The following TAFA1 variants were observed in gnomAD, a reference collection of about 807,000 sequenced individuals.
TAFA1 encodes the protein TAFA chemokine like family member 1.
TAFA1 carries 4 observed loss-of-function variants against 18.5 expected under a neutral mutation model. The ratio of observed to expected loss-of-function variants is 0.22; its 90% CI spans 0.11 to 0.49. TAFA1 has a LOEUF of 0.49. Ranked by LOEUF, TAFA1 falls within the 20% of genes least tolerant of loss-of-function variation. The probability of loss-of-function intolerance (pLI) is 0.98; values close to 1 mark genes in which losing one functional copy is unlikely to be tolerated. For missense variants in TAFA1, 147 were observed against 169.0 expected, an observed-to-expected ratio of 0.87 and a Z score of 0.72; for synonymous variants, 56 against 55.2, an observed-to-expected ratio of 1.01 and a Z score of -0.06.
chr3:68,007,870 C>T (rs1704391952), intron 2 of TAFA1, among the ~76,000 whole-genome samples: 1 of 152,240 alleles, frequency 6.6e-6, no homozygotes, highest in Non-Finnish European at 1.5e-5. Flanking sequence ...CCAGCAATAC[C>T]TTCCGGGGCC....
intron 2 of TAFA1, among the ~76,000 whole-genome samples, chr3:68,123,686 G>T (rs1185920724): frequency 6.6e-6 from 1 of 151,928 alleles, no homozygotes; most frequent in East Asian, 1.9e-4. Flanking sequence ...GTAACCAACT[G>T]GTTTAACATT....
chr3:68,131,976 C>T (rs1200421244), intron 2 of TAFA1, among the ~76,000 whole-genome samples: 2 of 151,952 alleles, frequency 1.3e-5, no homozygotes, highest in Non-Finnish European at 2.9e-5. Flanking sequence ...GTTTGCTGCA[C>T]TCATCAACCC....
chr3:68,435,359 A>T (rs1481521854), intron 3 of TAFA1, among the ~76,000 whole-genome samples: 1 of 152,132 alleles, frequency 6.6e-6, no homozygotes, highest in African/African-American at 2.4e-5. Context: ...GAATGAGCTC[A>T]TGCAGCAGCC....
intron 3 of TAFA1, among the ~76,000 whole-genome samples, chr3:68,463,258 A>T (rs1445759160): frequency 6.6e-6 from 1 of 152,166 alleles, no homozygotes; most frequent in Non-Finnish European, 1.5e-5. Context: ...TCTCCTCTTA[A>T]TCTCTATGGA....
intron 2 of TAFA1, among the ~76,000 whole-genome samples, chr3:68,065,740 G>GTGTA (rs1442387918): frequency 4.5e-5 from 6 of 133,452 alleles, no homozygotes; most frequent in Non-Finnish European, 7.9e-5. Flanking sequence ...GTGTGTGTGT[G>GTGTA]TATATATATA....
intron 2 of TAFA1, among the ~76,000 whole-genome samples, chr3:68,408,539 C>T (rs1345418348): frequency 6.6e-6 from 1 of 152,150 alleles, no homozygotes; most frequent in Non-Finnish European, 1.5e-5. Flanking sequence ...TTAATTTATA[C>T]ATTCTGTCTT....
chr3:68,310,874 T>C (rs1046175636), intron 2 of TAFA1, among the ~76,000 whole-genome samples: 1 of 152,188 alleles, frequency 6.6e-6, no homozygotes, highest in Non-Finnish European at 1.5e-5. Context: ...TTTAGTGCTG[T>C]CAAGTGTTTA....
the TAFA1 span, among the ~76,000 whole-genome samples, chr3:67,998,172 T>C: frequency 3.3e-5 from 5 of 152,202 alleles, no homozygotes; most frequent in Non-Finnish European, 7.4e-5. Context: ...ACTGGTAACA[T>C]TTGTGTGATA....
intron 2 of TAFA1, among the ~76,000 whole-genome samples, chr3:68,050,149 C>CT (rs2064449377): frequency 6.6e-6 from 1 of 152,092 alleles, no homozygotes; most frequent in African/African-American, 2.4e-5. Context: ...TAAATAGTTC[C>CT]TTTGGAAGGT....
intron 3 of TAFA1, among the ~76,000 whole-genome samples, chr3:68,458,749 C>T (rs2071713876): frequency 6.6e-6 from 1 of 151,884 alleles, no homozygotes; most frequent in African/African-American, 2.4e-5. Flanking sequence ...AACAATCTTT[C>T]ATGCTTGGAG....
chr3:68,052,119 T>A (rs1469632757), intron 2 of TAFA1, among the ~76,000 whole-genome samples: 1 of 152,168 alleles, frequency 6.6e-6, no homozygotes, highest in Non-Finnish European at 1.5e-5. Flanking sequence ...ATTTTTGAAA[T>A]GGAATATCCC....
At chr3:68,475,132 G>A (rs569309454) in intron 3 of TAFA1, among the ~76,000 whole-genome samples, 6 of 151,020 alleles carry the variant, frequency 4.0e-5, no homozygotes, top group African/African-American at 1.2e-4. Flanking sequence ...TTTAAATGCT[G>A]GCTTCTATTT....
chr3:68,393,754 G>T (rs2070313473), intron 2 of TAFA1, among the ~76,000 whole-genome samples: 1 of 151,988 alleles, frequency 6.6e-6, no homozygotes, highest in South Asian at 2.1e-4. Flanking sequence ...CAGAATCAAT[G>T]ACAAAAATTA....
At chr3:67,999,542 C>A (rs1704261671), upstream of TAFA1, among the ~76,000 whole-genome samples, 1 of 152,100 alleles carries the variant, frequency 6.6e-6, no homozygotes, top group South Asian at 2.1e-4. Flanking sequence ...TGACTTTTAA[C>A]ATCTGTAGAC....
At chr3:68,045,996 A>T (rs7430276) in intron 2 of TAFA1, among the ~76,000 whole-genome samples, 89,550 of 151,930 alleles carry the variant, frequency 0.59, 26,760 homozygotes, top group East Asian at 0.67. Context: ...CATGTTTTAA[A>T]TAATTTGCCC....
chr3:68,499,577 T>G (rs535664599), intron 3 of TAFA1, among the ~76,000 whole-genome samples: 11 of 152,020 alleles, frequency 7.2e-5, no homozygotes, highest in African/African-American at 2.4e-4. Context: ...TTTTATGTAT[T>G]TATTTATCTT....
At chr3:68,520,509 C>T (rs528546228) in intron 3 of TAFA1, among the ~76,000 whole-genome samples, 1 of 152,276 alleles carries the variant, frequency 6.6e-6, no homozygotes, top group Admixed American at 6.5e-5. Context: ...ATGTCAGAAA[C>T]ATCCAAATGA....
At chr3:68,386,393 T>G (rs1434167916) in intron 2 of TAFA1, among the ~76,000 whole-genome samples, 1 of 150,918 alleles carries the variant, frequency 6.6e-6, no homozygotes, top group African/African-American at 2.4e-5. Context: ...TGGTTACGAG[T>G]TTTTTTTTGT....
intron 3 of TAFA1, among the ~76,000 whole-genome samples, chr3:68,442,350 A>G (rs1014349776): frequency 6.6e-6 from 1 of 152,132 alleles, no homozygotes; most frequent in Non-Finnish European, 1.5e-5. Flanking sequence ...GTGCTTGCTC[A>G]GGTCTCTCTT....
Sources: gnomAD v4.1 joint callset for allele counts (sites outside exome capture counted in the v4.1 genomes callset) on GRCh38, gnomAD v4.1.1 for gene constraint, MANE v1.5 for transcripts, NCBI Gene and HGNC (gene_info 2026-07-23, HGNC 2026-07-21) for gene names.